Variants in C8orf58 observed in about 807,000 individuals in gnomAD.
The protein encoded by C8orf58 is chromosome 8 open reading frame 58, also known as uncharacterized protein C8orf58.
In C8orf58, 31 loss-of-function variants were observed where a neutral mutation model predicts 36.8. The ratio of observed to expected loss-of-function variants is 0.84; its 90% CI spans 0.63 to 1.14. C8orf58 has a LOEUF of 1.14. Ranked by LOEUF, C8orf58 falls within the 50% of genes most tolerant of loss-of-function variation. The probability of loss-of-function intolerance (pLI) is 0.00; values close to 1 mark genes in which losing one functional copy is unlikely to be tolerated. For missense variants in C8orf58, 538 were observed against 480.8 expected, an observed-to-expected ratio of 1.12 and a Z score of -1.11; for synonymous variants, 230 against 200.2, an observed-to-expected ratio of 1.15 and a Z score of -1.26.
Position 22,602,585 on chromosome 8 carries a change from T to A in C8orf58, c.928T>A (p.Cys310Ser), listed in dbSNP as rs772927630. The A allele has an allele frequency of 6.3e-7, 1 of 1,579,274 alleles. No homozygotes were observed. The highest frequency in any genetic ancestry group is 8.6e-7 in the Non-Finnish European group (1 of 1,159,324). Residue 310 changes from cysteine (C) to serine (S), a missense_variant, in exon 6 of 7, where the codon TGC becomes AGC. Coordinates refer to ENST00000289989, the MANE Select transcript of C8orf58 (RefSeq NM_001013842.3). Reference protein sequence around the residue: ...DKVKVLLNRICRRSHHHPEPP... With the variant: ...DKVKVLLNRISRRSHHHPEPP... ...GGTCAAGGTCCTGCTCAACCGGATC[T>A]GCCGGAGAAGCCACCACCACCCTGA...
chr8:22,600,572 C>A, intron 1 of C8orf58: 1 of 380,012 alleles, frequency 2.6e-6, no homozygotes, highest in Non-Finnish European at 4.9e-6. Flanking sequence ...CTCGGGAGAT[C>A]GTGGGCTGAT....
At position 22,602,171 on chromosome 8, in the gene C8orf58, C is replaced by T. The variant is rs776937980; in HGVS notation, c.767-29C>T. ...CGAAGCTTGATGGGGTGTCTTCTGG[C>T]CCTGGCCAACCTGACTGTCTTTCTG... On this transcript the variant is annotated intron_variant, in intron 4 of 6. Transcript: ENST00000289989. 2.8e-5 allele frequency: 44 copies of T among 1,569,768 alleles called. No homozygotes were observed. The South Asian group carries it at 4.7e-4, about 17-fold the overall frequency.
At chr8:22,602,925 C>T (rs1800912383) in intron 6 of C8orf58, 2 of 586,910 alleles carry the variant, frequency 3.4e-6, no homozygotes, top group African/African-American at 3.7e-5. Context: ...AGCAACCCCT[C>T]ACCCTCAATG....
At position 22,603,796 on chromosome 8, in the gene C8orf58, T is replaced by A; in HGVS notation, c.*490T>A. 1 of 239,936 alleles carries A rather than the reference T, an allele frequency of 4.2e-6. No homozygotes were observed. Among genetic ancestry groups the A allele is most frequent in the South Asian group, 4.9e-5 (1 of 20,500 alleles). 14.9% of individuals were successfully genotyped at this position (239,936 alleles called of 1,614,324 possible). A position where few individuals can be genotyped will look rare whatever the true frequency, so the allele number is the denominator to read the frequency against. On this transcript the variant is annotated 3_prime_UTR_variant, in exon 7 of 7. Transcript: ENST00000289989. ...TGACCTTTATTCCCCAGTGGGCAGT[T>A]ACTGAGCTTTCCTCCTCAGAGCCAT...
chr8:22,601,560 T>A (rs900273), intron 2 of C8orf58, 152 bp from the exon 3 acceptor site: 4 of 1,061,118 alleles, frequency 3.8e-6, no homozygotes, highest in Non-Finnish European at 5.5e-6. Flanking sequence ...TTCCTGGCAC[T>A]ATGCCCCGCT....
rs1452844311 is a variant in C8orf58 at position 22,602,085 on chromosome 8, G to A, written c.766+5G>A. On this transcript the variant is annotated splice_donor_5th_base_variant and intron_variant, in intron 4 of 6. Coordinates refer to ENST00000289989, the MANE Select transcript of C8orf58 (RefSeq NM_001013842.3). ...TAAGCCAGACAGAGCACACAGGTGA[G>A]GGGCCATCGTGTCTCCCTTTGTCCT... 2 of 1,563,862 alleles carry A rather than the reference G, an allele frequency of 1.3e-6. No individual in the cohort carries two copies. The highest frequency in any genetic ancestry group is 1.7e-6 in the Non-Finnish European group (2 of 1,153,416).
In C8orf58 at chr8:22,601,092, C is replaced by T. The variant is rs11552429; in HGVS notation, c.251C>T (p.Pro84Leu). 8 of 1,612,604 alleles carry T rather than the reference C, an allele frequency of 5.0e-6. No individual in the cohort carries two copies. The East Asian group carries it at 6.7e-5, about 13-fold the overall frequency. Reference protein sequence around the residue: ...AVGDSPLAALPGLSQDSLDFE... With the variant: ...AVGDSPLAALLGLSQDSLDFE... ...GGGGACAGCCCCCTGGCCGCCTTACCGGGCCTTTCTCAGGACTCCCTGGAC... is the reference window on the plus strand; with the variant it reads ...GGGGACAGCCCCCTGGCCGCCTTACTGGGCCTTTCTCAGGACTCCCTGGAC... Residue 84 changes from proline to leucine, a missense_variant, in exon 2 of 7, where the codon CCG (proline) becomes CTG (leucine). Pro to Leu is a moderately conservative substitution (Grantham distance 98). Transcript: ENST00000289989.
At position 22,602,530 on chromosome 8, in the gene C8orf58, T is replaced by C; in HGVS notation, c.880-7T>C. ...GGGCTCTGGGTGACCCCTCATCCTC[T>C]GCTCAGCGGGATATCTCCCACTGGG... is the stretch of plus-strand genomic sequence containing the variant. On this transcript the variant is annotated splice_region_variant and splice_polypyrimidine_tract_variant and intron_variant, in intron 5 of 6. Coordinates refer to ENST00000289989, the MANE Select transcript of C8orf58 (RefSeq NM_001013842.3). 1 of 1,610,734 alleles carries C rather than the reference T, an allele frequency of 6.2e-7. No homozygotes were observed. Among genetic ancestry groups the C allele is most frequent in the South Asian group, 1.1e-5 (1 of 90,994 alleles).
In C8orf58 at chr8:22,602,182, C is replaced by G. The variant is rs200701417; in HGVS notation, c.767-18C>G. On this transcript the variant is annotated intron_variant, in intron 4 of 6. Transcript: ENST00000289989. ...GGGGTGTCTTCTGGCCCTGGCCAAC[C>G]TGACTGTCTTTCTGAAGGAGCAAAG... is the stretch of plus-strand genomic sequence containing the variant. 13 of 1,580,928 alleles carry G rather than the reference C, an allele frequency of 8.2e-6. No individual in the cohort carries two copies. The East Asian group carries it at 3.0e-4, about 36-fold the overall frequency.
intron 1 of C8orf58, 37 bp downstream of exon 1, chr8:22,599,797 C>T (rs1365432933): frequency 2.7e-6 from 3 of 1,102,094 alleles, no homozygotes; most frequent in Non-Finnish European, 3.4e-6. Context: ...GGGCTCCCCC[C>T]TGCCCCGGAG....
chr8:22,600,047 TC>T (rs1800805294), intron 1 of C8orf58: 2 of 289,342 alleles, frequency 6.9e-6, no homozygotes, highest in African/African-American at 4.4e-5. Context: ...GATGTGGGAA[TC>T]CGCCCGCGCC....
Position 22,600,930 on chromosome 8 carries a change from C to T in C8orf58, c.89C>T (p.Thr30Ile), listed in dbSNP as rs754642651. ...LARGCIVPGV[T>I]STYRRIPDAA... ...CGGGGCTGCATAGTGCCTGGAGTCA[C>T]CAGCACCTACAGACGGATCCCCGAC... Residue 30 changes from threonine to isoleucine, a missense_variant, in exon 2 of 7, where the codon ACC (threonine) becomes ATC (isoleucine). Physicochemically the swap from Thr to Ile is moderately conservative, Grantham distance 89 (BLOSUM62 -1). Transcript: ENST00000289989. 7 of 1,611,978 alleles carry T rather than the reference C, an allele frequency of 4.3e-6. No individual in the cohort carries two copies. The South Asian group carries it at 6.6e-5, about 15-fold the overall frequency.
At position 22,602,218 on chromosome 8, in the gene C8orf58, C is replaced by T. The variant is rs1435546406; in HGVS notation, c.785C>T (p.Pro262Leu). The part of the protein sequence containing the change: ...TEHTGAKAAS[P>L]PKVEVPSANP... ...TCTGAAGGAGCAAAGGCTGCTTCAC[C>T]CCCAAAGGTGGAGGTGCCCAGTGCC... The change falls in exon 5 of 7, where the codon CCC becomes CTC. Residue 262 changes from proline to leucine, a missense_variant. Pro to Leu is a moderately conservative substitution (Grantham distance 98). Coordinates refer to ENST00000289989, the MANE Select transcript of C8orf58 (RefSeq NM_001013842.3). 2 of 1,604,182 alleles carry T rather than the reference C, an allele frequency of 1.2e-6. No homozygotes were observed. The highest frequency in any genetic ancestry group is 2.2e-5 in the East Asian group (1 of 44,630).
At position 22,603,852 on chromosome 8, in the gene C8orf58, G is replaced by A. The variant is rs1019969772; in HGVS notation, c.*546G>A. 3.3e-4 allele frequency: 67 copies of A among 201,524 alleles called. No homozygotes were observed. Among genetic ancestry groups the A allele is most frequent in the Admixed American group, 3.3e-3 (62 of 18,882 alleles). The allele number at this position is 201,524 out of a possible 1,614,324, so 12.5% of individuals were successfully genotyped here. ...CAGCCCTGGGACAGAGAACGGTGTG[G>A]CTTTGGCTGCCTCTGCATGGAATCT... On this transcript the variant is annotated 3_prime_UTR_variant, in exon 7 of 7. Coordinates refer to ENST00000289989, the MANE Select transcript of C8orf58 (RefSeq NM_001013842.3).
rs1378802601 is a variant in C8orf58 at position 22,599,605 on chromosome 8, G to A, written c.-116G>A. ...CCCCCCAGCCCCGCTGGGAGTGTCT[G>A]GGGGCCGCGCCCAGCTGGGTCGGGA... On this transcript the variant is annotated 5_prime_UTR_variant, in exon 1 of 7. Transcript: ENST00000289989. 32 of 421,784 alleles carry A rather than the reference G, an allele frequency of 7.6e-5. No homozygotes were observed. In the Middle Eastern group the frequency reaches 2.8e-3, roughly 37 times the overall value. 26.1% of individuals were successfully genotyped at this position (421,784 alleles called of 1,614,324 possible).
At chr8:22,601,606 C>T (rs904881993) in intron 2 of C8orf58, 106 bp from the exon 3 acceptor site, 19 of 1,351,298 alleles carry the variant, frequency 1.4e-5, no homozygotes, top group East Asian at 1.2e-4. Flanking sequence ...TGTTCCTCCT[C>T]GGGGCCCACT....
At chr8:22,601,399 C>A in intron 2 of C8orf58, 42 bp downstream of exon 2, 2 of 1,429,350 alleles carry the variant, frequency 1.4e-6, no homozygotes, top group Non-Finnish European at 1.9e-6. Flanking sequence ...GTGGGATGGA[C>A]AGCCTAGCTC....
chr8:22,602,489 G>T (rs1340562240), intron 5 of C8orf58, 48 bp from the exon 6 acceptor site: 5 of 1,512,952 alleles, frequency 3.3e-6, no homozygotes, highest in Non-Finnish European at 4.6e-6. Context: ...CTTGGTCGGG[G>T]GTCTGAGTGT....
At position 22,602,523 on chromosome 8, in the gene C8orf58, C is replaced by T; in HGVS notation, c.880-14C>T. The T allele has an allele frequency of 1.2e-6, 2 of 1,607,000 alleles. No individual in the cohort carries two copies. Among genetic ancestry groups the T allele is most frequent in the Non-Finnish European group, 1.7e-6 (2 of 1,174,322 alleles). On this transcript the variant is annotated splice_polypyrimidine_tract_variant and intron_variant, in intron 5 of 6. Coordinates refer to ENST00000289989, the MANE Select transcript of C8orf58 (RefSeq NM_001013842.3). ...GTGGGGAGGGCTCTGGGTGACCCCT[C>T]ATCCTCTGCTCAGCGGGATATCTCC...
Sources: gnomAD v4.1 joint callset for allele counts on GRCh38, gnomAD v4.1.1 for gene constraint, MANE v1.5 for transcripts, NCBI Gene and HGNC (gene_info 2026-07-23, HGNC 2026-07-21) for gene names.